ANKS1A: variants seen among roughly 807,000 people sequenced by gnomAD.
ANKS1A encodes ankyrin repeat and sterile alpha motif domain containing 1A.
ANKS1A carries 55 observed loss-of-function variants against 120.3 expected under a neutral mutation model. That is an observed-to-expected ratio of 0.46 (90% CI 0.37 to 0.57). ANKS1A has a LOEUF of 0.57. ANKS1A is among the 20% of genes least tolerant of loss of function. ANKS1A has a pLI of 0.00. For missense variants in ANKS1A, 1,123 were observed against 1,480.3 expected, an observed-to-expected ratio of 0.76 and a Z score of 3.96; for synonymous variants, 590 against 604.7, an observed-to-expected ratio of 0.98 and a Z score of 0.36.
At chr6:35,052,992 C>T (rs997914488) in intron 11 of ANKS1A, among the ~76,000 whole-genome samples, 1 of 152,164 alleles carries the variant, frequency 6.6e-6, no homozygotes, top group Non-Finnish European at 1.5e-5. Flanking sequence ...GAAGATACCT[C>T]CCCGAGCCCC....
intron 11 of ANKS1A, among the ~76,000 whole-genome samples, chr6:35,038,945 G>A (rs1236554729): frequency 1.3e-5 from 2 of 151,682 alleles, no homozygotes; most frequent in Non-Finnish European, 2.9e-5. Flanking sequence ...CTTTTTTTTA[G>A]TACCCCTCAC....
At chr6:34,967,412 G>C in intron 2 of ANKS1A, 93 bp downstream of exon 2, 1 of 1,267,806 alleles carries the variant, frequency 7.9e-7, no homozygotes, top group Non-Finnish European at 1.1e-6. Context: ...TGCTGGCTGA[G>C]CTTAGTGGCT....
At chr6:35,000,723 TAAAG>T (rs2127543638) in intron 10 of ANKS1A, among the ~76,000 whole-genome samples, 1 of 152,262 alleles carries the variant, frequency 6.6e-6, no homozygotes, top group African/African-American at 2.4e-5. Context: ...TGAGTACTAT[TAAAG>T]AAACAGTTTA....
downstream of ANKS1A, among the ~76,000 whole-genome samples, chr6:35,094,388 C>T (rs757369061): frequency 3.3e-5 from 5 of 150,216 alleles, no homozygotes; most frequent in African/African-American, 7.4e-5. Flanking sequence ...TGCAATGAGC[C>T]GAGATTGCGT....
intron 1 of ANKS1A, among the ~76,000 whole-genome samples, chr6:34,924,333 TAA>T (rs998544708): frequency 1.3e-5 from 2 of 152,132 alleles, no homozygotes; most frequent in Non-Finnish European, 2.9e-5. Context: ...ATAGTCCTCA[TAA>T]AAAAGTTGAA....
chr6:34,894,807 G>A (rs1038327505), intron 1 of ANKS1A, among the ~76,000 whole-genome samples: 12 of 152,142 alleles, frequency 7.9e-5, no homozygotes, highest in African/African-American at 2.9e-4. Flanking sequence ...AAACTAAACC[G>A]AAGATCACAG....
intron 11 of ANKS1A, among the ~76,000 whole-genome samples, chr6:35,028,322 A>AT (rs1169619184): frequency 6.6e-6 from 1 of 152,206 alleles, no homozygotes; most frequent in Non-Finnish European, 1.5e-5. Flanking sequence ...GAGGACTGGC[A>AT]TCCCATCTTC....
chr6:34,970,153 G>C lies in ANKS1A; in HGVS notation c.422G>C (p.Arg141Thr), dbSNP rs1771107981. The C allele has an allele frequency of 6.2e-7, 1 of 1,613,530 alleles. No homozygotes were observed. The highest frequency in any genetic ancestry group is 1.3e-5 in the African/African-American group (1 of 74,902). The stretch of plus-strand genomic sequence containing the variant: ...ATCCATCAAGGGCCTTCACACACCA[G>C]AGTCAATGAACAGGTCGGAAGGAAG... Reference protein sequence around the residue: ...LLIHQGPSHTRVNEQNNDNET... With the variant: ...LLIHQGPSHTTVNEQNNDNET... The change falls in exon 3 of 24, where the codon AGA becomes ACA. Residue 141 changes from arginine (R) to threonine (T), a missense_variant. Physicochemically the swap from Arg to Thr is moderately conservative, Grantham distance 71 (BLOSUM62 -1). This residue lies in a region of ANKS1A where 146 missense variants were observed against 267.8 expected (regional missense o/e 0.55). Coordinates refer to ENST00000360359, the MANE Select transcript of ANKS1A (RefSeq NM_015245.3).
intron 1 of ANKS1A, among the ~76,000 whole-genome samples, chr6:34,937,559 G>A (rs902111867): frequency 2.0e-5 from 3 of 152,128 alleles, no homozygotes; most frequent in Admixed American, 6.6e-5. Flanking sequence ...TGAAGGAGGA[G>A]GAGAATTGAG....
At chr6:34,906,007 T>C (rs760830317) in intron 1 of ANKS1A, among the ~76,000 whole-genome samples, 31 of 152,256 alleles carry the variant, frequency 2.0e-4, no homozygotes, top group Non-Finnish European at 4.0e-4. Context: ...TCTCTTAGAG[T>C]GCATACTGGC....
chr6:35,024,794 A>G (rs748892369), intron 11 of ANKS1A, among the ~76,000 whole-genome samples: 10 of 152,242 alleles, frequency 6.6e-5, no homozygotes, highest in Non-Finnish European at 1.3e-4. Flanking sequence ...GTTCAACTCC[A>G]TAGAGGCTTT....
At chr6:34,989,570 C>T (rs1772402962) in intron 9 of ANKS1A, among the ~76,000 whole-genome samples, 3 of 152,130 alleles carry the variant, frequency 2.0e-5, no homozygotes, top group Admixed American at 2.0e-4. Context: ...TTTCCTGGCT[C>T]CAATAAGCTG....
chr6:35,076,247 C>T (rs1199185164), intron 13 of ANKS1A, among the ~76,000 whole-genome samples: 1 of 152,068 alleles, frequency 6.6e-6, no homozygotes, highest in Non-Finnish European at 1.5e-5. Flanking sequence ...CACGATGAAA[C>T]CCAGTCTTTA....
chr6:34,953,377 A>G (rs1302527552), intron 1 of ANKS1A, among the ~76,000 whole-genome samples: 7 of 152,224 alleles, frequency 4.6e-5, no homozygotes, highest in Non-Finnish European at 1.0e-4. Flanking sequence ...AACACTGAAT[A>G]TCAATTAAAA....
chr6:35,082,964 G>A lies in ANKS1A; in HGVS notation c.2835+148G>A. ...CTCTCAGCCACTCTTGACAGCTAAG[G>A]CGAAGGGGTGGAGGCCTCTGGATCC... On this transcript the variant is annotated intron_variant, in intron 18 of 23. Coordinates refer to ENST00000360359, the MANE Select transcript of ANKS1A (RefSeq NM_015245.3). This position sits in a 1 kb window ranked among gnomAD's most constrained non-coding sequence, Gnocchi z 4.1. The A allele has an allele frequency of 7.2e-7, 1 of 1,394,004 alleles. No homozygotes were observed. The highest frequency in any genetic ancestry group is 9.6e-7 in the Non-Finnish European group (1 of 1,038,296). 86.4% of individuals were successfully genotyped at this position (1,394,004 alleles called of 1,614,324 possible). A position where few individuals can be genotyped will look rare whatever the true frequency, so the allele number is the denominator to read the frequency against.
rs560684504 is a variant in ANKS1A, at chr6:34,923,094, G to A, written c.197+33495G>A. ...AAGACGTCTAGAAAGACTACGATGC[G>A]TGGTGAGAGGAAAGGTTGCCCAACC... On this transcript the variant is annotated intron_variant, in intron 1 of 23. Coordinates refer to ENST00000360359, the MANE Select transcript of ANKS1A (RefSeq NM_015245.3). Among the ~76,000 whole-genome samples, 119 of 152,300 alleles carry A rather than the reference G, an allele frequency of 7.8e-4. 1 individual carries two copies. Among genetic ancestry groups the A allele is most frequent in the African/African-American group, 2.6e-3 (106 of 41,556 alleles).
At chr6:34,954,414 G>A (rs906082173) in intron 1 of ANKS1A, among the ~76,000 whole-genome samples, 2 of 152,112 alleles carry the variant, frequency 1.3e-5, no homozygotes, top group African/African-American at 4.8e-5. Flanking sequence ...GAAACAGAAG[G>A]GGTTAGAACA....
In ANKS1A at chr6:35,058,517, C is replaced by T. The variant is rs1229175449; in HGVS notation, c.2078-1630C>T. ...AGAAGGCCGCCGGGTCCCTGACCAT[C>T]ATCTGTTCTGCAGGAGACAGAGGAG... is the stretch of plus-strand genomic sequence containing the variant. On this transcript the variant is annotated intron_variant, in intron 12 of 23. Transcript: ENST00000360359. The surrounding 1 kb of genome is among the most constrained non-coding windows in gnomAD (Gnocchi z 5.1). 1 of 152,304 alleles carries T rather than the reference C, an allele frequency of 6.6e-6. No individual in the cohort carries two copies. Among genetic ancestry groups the T allele is most frequent in the Middle Eastern group, 3.2e-3 (1 of 316 alleles). 9.4% of individuals were successfully genotyped at this position (152,304 alleles called of 1,614,324 possible).
At position 35,081,232 on chromosome 6, in the gene ANKS1A, A is replaced by C. The variant is rs1344891738; in HGVS notation, c.2709+74A>C. ...GGGTGGGACAGGGCCTCCCAGAACCACCTGCTGCCCCATACTTGAGCACAG... is the reference window on the plus strand; with the variant it reads ...GGGTGGGACAGGGCCTCCCAGAACCCCCTGCTGCCCCATACTTGAGCACAG... On this transcript the variant is annotated intron_variant, in intron 17 of 23. Transcript: ENST00000360359. The C allele has an allele frequency of 4.8e-6, 7 of 1,470,726 alleles. No individual in the cohort carries two copies. The East Asian group carries it at 1.7e-4, about 36-fold the overall frequency. The allele number at this position is 1,470,726 out of a possible 1,614,324, so 91.1% of individuals were successfully genotyped here. A position where few individuals can be genotyped will look rare whatever the true frequency, so the allele number is the denominator to read the frequency against.
Sources: allele counts gnomAD v4.1 joint callset (sites outside exome capture counted in the v4.1 genomes callset), GRCh38; gene constraint gnomAD v4.1.1; regional missense constraint gnomAD v4.1.1; non-coding constraint Gnocchi (gnomAD v3.1); transcripts MANE v1.5; gene names NCBI Gene and HGNC (gene_info 2026-07-23, HGNC 2026-07-21).